The following TPMT variants were observed in gnomAD, a reference collection of about 807,000 sequenced individuals.
TPMT encodes the protein thiopurine S-methyltransferase.
Under a neutral mutation model 34.2 loss-of-function variants are expected in TPMT, and 18 were observed. The ratio of observed to expected loss-of-function variants is 0.53; its 90% CI spans 0.36 to 0.78. The LOEUF is 0.78. Ranked by LOEUF, TPMT falls within the 30% of genes least tolerant of loss-of-function variation. TPMT has a pLI of 0.00. For synonymous variants in TPMT, 69 were observed against 92.4 expected (o/e 0.75, Z 1.45); for missense variants, 265 against 288.1 (o/e 0.92, Z 0.58).
chr6:18,137,465 A>G (rs1335721797), intron 6 of TPMT, among the ~76,000 whole-genome samples: 1 of 152,174 alleles, frequency 6.6e-6, no homozygotes, highest in Non-Finnish European at 1.5e-5. Context: ...AGTCTGCTCC[A>G]TACAACTAAG....
In TPMT at chr6:18,139,590, C is replaced by A. The variant is rs1561888785; in HGVS notation, c.419+75G>T. Reference sequence around the variant, plus strand: ...CACAGGAGGAAGAGAGTGAGGAAGACACCTCCACTCCCATGCCTGCACTGC... The same window carrying A: ...CACAGGAGGAAGAGAGTGAGGAAGAAACCTCCACTCCCATGCCTGCACTGC... On this transcript the variant is annotated intron_variant, in intron 5 of 8. Coordinates refer to ENST00000309983, the MANE Select transcript of TPMT (RefSeq NM_000367.5). This position sits in a 1 kb window ranked among gnomAD's most constrained non-coding sequence, Gnocchi z 4.2. The A allele has an allele frequency of 8.5e-7, 1 of 1,182,160 alleles. No individual in the cohort carries two copies. The highest frequency in any genetic ancestry group is 2.3e-5 in the East Asian group (1 of 42,926). 73.2% of individuals were successfully genotyped at this position (1,182,160 alleles called of 1,614,324 possible). A position where few individuals can be genotyped will look rare whatever the true frequency, so the allele number is the denominator to read the frequency against.
chr6:18,141,127 A>G (rs1784131063), intron 4 of TPMT, among the ~76,000 whole-genome samples: 1 of 152,138 alleles, frequency 6.6e-6, no homozygotes, highest in African/African-American at 2.4e-5. Context: ...GCCTGGGGTA[A>G]GACCTTTGGA....
At chr6:18,147,943 G>A in intron 2 of TPMT, 28 bp from the exon 3 acceptor site, 1 of 1,568,740 alleles carries the variant, frequency 6.4e-7, no homozygotes, top group Non-Finnish European at 8.8e-7. Context: ...AAAGGTTTTA[G>A]GACAATTGTA....
Position 18,138,588 on chromosome 6 carries a change from A to C in TPMT, c.494+375T>G, listed in dbSNP as rs1176607071. On this transcript the variant is annotated intron_variant, in intron 6 of 8. Coordinates refer to ENST00000309983, the MANE Select transcript of TPMT (RefSeq NM_000367.5). The surrounding 1 kb of genome is among the most constrained non-coding windows in gnomAD (Gnocchi z 4.1). ...CAGCCCACATAAAGTATTTTGAACA[A>C]TACCTGGAATAGGCAAGTGACCAGT... Among the ~76,000 whole-genome samples, 1 of 152,202 alleles carries C rather than the reference A, an allele frequency of 6.6e-6. No homozygotes were observed. The highest frequency in any genetic ancestry group is 1.5e-5 in the Non-Finnish European group (1 of 68,026).
chr6:18,140,638 T>A lies in TPMT; in HGVS notation c.367-921A>T, dbSNP rs568292245. Among the ~76,000 whole-genome samples, 19 of 152,024 alleles carry A rather than the reference T, an allele frequency of 1.2e-4. No individual in the cohort carries two copies. The highest frequency in any genetic ancestry group is 1.1e-3 in the Admixed American group (17 of 15,256). On this transcript the variant is annotated intron_variant, in intron 4 of 8. Coordinates refer to ENST00000309983, the MANE Select transcript of TPMT (RefSeq NM_000367.5). The surrounding 1 kb of genome is among the most constrained non-coding windows in gnomAD (Gnocchi z 4.7). ...GGTCAAGGCTGCAGTGAGCTGTGAT[T>A]GTGCCACTGCCCTCCAGCCTGTGTG...
chr6:18,149,160 T>C lies in TPMT; in HGVS notation c.-33A>G. Reference sequence around the variant, plus strand: ...GAGACACCTTTGTCTCACAAGCATATGTCTTCCGTGCCTACGTGGAAAATA... The same window carrying C: ...GAGACACCTTTGTCTCACAAGCATACGTCTTCCGTGCCTACGTGGAAAATA... On this transcript the variant is annotated 5_prime_UTR_variant, in exon 2 of 9. Transcript: ENST00000309983. This position sits in a 1 kb window ranked among gnomAD's most constrained non-coding sequence, Gnocchi z 5.0. The C allele has an allele frequency of 6.2e-7, 1 of 1,613,858 alleles. No homozygotes were observed. The highest frequency in any genetic ancestry group is 1.1e-5 in the South Asian group (1 of 91,078).
chr6:18,141,695 G>A (rs573929282), intron 4 of TPMT, among the ~76,000 whole-genome samples: 3 of 152,146 alleles, frequency 2.0e-5, no homozygotes, highest in Non-Finnish European at 4.4e-5. Context: ...TGAATATACA[G>A]ATGGACAATA....
chr6:18,137,720 T>A (rs2150711614), intron 6 of TPMT, among the ~76,000 whole-genome samples: 1 of 152,342 alleles, frequency 6.6e-6, no homozygotes, highest in Middle Eastern at 3.4e-3. Flanking sequence ...ACATATTTCA[T>A]TTCTTTCAAT....
chr6:18,144,661 G>A (rs12210374), intron 3 of TPMT, among the ~76,000 whole-genome samples: 1,880 of 151,644 alleles, frequency 0.012, 15 homozygotes, highest in Non-Finnish European at 0.018. Flanking sequence ...TTACAGGCGT[G>A]AGCCACCACA....
Position 18,132,190 on chromosome 6 carries a change from GAAAT to G in TPMT, c.581-17_581-14del. The G allele has an allele frequency of 1.2e-6, 2 of 1,613,610 alleles. No individual in the cohort carries two copies. ...TAAAATGGTGGACCTAGGTAAAAGA[GAAAT>G]AAATTCTGAGTTTATTTCCAATGAC... On this transcript the variant is annotated splice_polypyrimidine_tract_variant and intron_variant, in intron 7 of 8. Coordinates refer to ENST00000309983, the MANE Select transcript of TPMT (RefSeq NM_000367.5). The surrounding 1 kb of genome is among the most constrained non-coding windows in gnomAD (Gnocchi z 4.8).
Position 18,130,563 on chromosome 6 carries a change from T to C in TPMT, c.*105A>G. 1.2e-6 allele frequency: 1 copy of C among 803,706 alleles called. No homozygotes were observed. The highest frequency in any genetic ancestry group is 2.1e-6 in the Non-Finnish European group (1 of 482,420). The allele number at this position is 803,706 out of a possible 1,614,324, so 49.8% of individuals were successfully genotyped here. A position where few individuals can be genotyped will look rare whatever the true frequency, so the allele number is the denominator to read the frequency against. ...TTTTTAGTAAAGATCTATCATATGATTTATAAACAATTTTAAAAATTCATC... is the reference window on the plus strand; with the variant it reads ...TTTTTAGTAAAGATCTATCATATGACTTATAAACAATTTTAAAAATTCATC... On this transcript the variant is annotated 3_prime_UTR_variant, in exon 9 of 9. Transcript: ENST00000309983. This position sits in a 1 kb window ranked among gnomAD's most constrained non-coding sequence, Gnocchi z 4.2.
In TPMT at chr6:18,145,874, G is replaced by T. The variant is rs1784238242; in HGVS notation, c.233+1949C>A. On this transcript the variant is annotated intron_variant, in intron 3 of 8. Transcript: ENST00000309983. This position sits in a 1 kb window ranked among gnomAD's most constrained non-coding sequence, Gnocchi z 5.6. ...TGGCTTATGCCTGTTATCCCAGCATGTTGGGAGGGAGGATCTCTTGAGCCC... is the reference window on the plus strand; with the variant it reads ...TGGCTTATGCCTGTTATCCCAGCATTTTGGGAGGGAGGATCTCTTGAGCCC... Among the ~76,000 whole-genome samples, 1 of 152,154 alleles carries T rather than the reference G, an allele frequency of 6.6e-6. No individual in the cohort carries two copies. The highest frequency in any genetic ancestry group is 1.5e-5 in the Non-Finnish European group (1 of 68,030).
Position 18,132,272 on chromosome 6 carries a change from G to A in TPMT, c.581-95C>T. The A allele has an allele frequency of 8.5e-7, 1 of 1,173,958 alleles. No individual in the cohort carries two copies. The highest frequency in any genetic ancestry group is 1.3e-6 in the Non-Finnish European group (1 of 795,544). 72.7% of individuals were successfully genotyped at this position (1,173,958 alleles called of 1,614,324 possible). ...TCATTATCCAAATAGGTGATGATGT[G>A]GCATGTTCTTCTCATTCTTCTTTTG... On this transcript the variant is annotated intron_variant, in intron 7 of 8. Coordinates refer to ENST00000309983, the MANE Select transcript of TPMT (RefSeq NM_000367.5). This position sits in a 1 kb window ranked among gnomAD's most constrained non-coding sequence, Gnocchi z 4.8.
rs530908178 is a variant in TPMT at position 18,136,329 on chromosome 6, A to G, written c.495-2440T>C. 3.3e-5 allele frequency among the ~76,000 whole-genome samples: 5 copies of G among 152,150 alleles called. No individual in the cohort carries two copies. The highest frequency in any genetic ancestry group is 5.9e-5 in the Non-Finnish European group (4 of 68,018). ...ATGGGAAGTGCAAAGCAGACACTGG[A>G]CATGTGATGTGGATGTTTGGGAGAA... is the stretch of plus-strand genomic sequence containing the variant. On this transcript the variant is annotated intron_variant, in intron 6 of 8. Coordinates refer to ENST00000309983, the MANE Select transcript of TPMT (RefSeq NM_000367.5). This position sits in a 1 kb window ranked among gnomAD's most constrained non-coding sequence, Gnocchi z 4.7.
At position 18,150,623 on chromosome 6, in the gene TPMT, T is replaced by C. The variant is rs1421400344; in HGVS notation, c.-44-1452A>G. Among the ~76,000 whole-genome samples, 2 of 152,206 alleles carry C rather than the reference T, an allele frequency of 1.3e-5. No homozygotes were observed. Among genetic ancestry groups the C allele is most frequent in the African/African-American group, 4.8e-5 (2 of 41,462 alleles). On this transcript the variant is annotated intron_variant, in intron 1 of 8. Transcript: ENST00000309983. This position sits in a 1 kb window ranked among gnomAD's most constrained non-coding sequence, Gnocchi z 5.3. Reference sequence around the variant, plus strand: ...GTTGTTATTTTTTAGTGACCACGCTTATATTGGTGAAGCCTAACCTCCAGA... The same window carrying C: ...GTTGTTATTTTTTAGTGACCACGCTCATATTGGTGAAGCCTAACCTCCAGA...
rs184727052 is a variant in TPMT at position 18,150,231 on chromosome 6, C to T, written c.-44-1060G>A. Among the ~76,000 whole-genome samples the T allele has an allele frequency of 1.5e-3, 224 of 152,296 alleles. No individual in the cohort carries two copies. Among genetic ancestry groups the T allele is most frequent in the African/African-American group, 5.0e-3 (207 of 41,540 alleles). On this transcript the variant is annotated intron_variant, in intron 1 of 8. Coordinates refer to ENST00000309983, the MANE Select transcript of TPMT (RefSeq NM_000367.5). The surrounding 1 kb of genome is among the most constrained non-coding windows in gnomAD (Gnocchi z 5.3). ...TGCACATTTATTATAAAGGATACTGCGAAGAATATACTTGAAGAGATGTGT... is the reference window on the plus strand; with the variant it reads ...TGCACATTTATTATAAAGGATACTGTGAAGAATATACTTGAAGAGATGTGT...
chr6:18,147,096 C>T (rs1260266859), intron 3 of TPMT, among the ~76,000 whole-genome samples: 1 of 151,322 alleles, frequency 6.6e-6, no homozygotes, highest in Non-Finnish European at 1.5e-5. Context: ...GGCGCATTTA[C>T]TAACCTTTTC....
In TPMT at chr6:18,136,653, C is replaced by CA. The variant is rs1218062872; in HGVS notation, c.494+2309dup. Among the ~76,000 whole-genome samples the CA allele has an allele frequency of 2.0e-5, 3 of 151,984 alleles. No homozygotes were observed. Among genetic ancestry groups the CA allele is most frequent in the African/African-American group, 4.8e-5 (2 of 41,368 alleles). On this transcript the variant is annotated intron_variant, in intron 6 of 8. Coordinates refer to ENST00000309983, the MANE Select transcript of TPMT (RefSeq NM_000367.5). This position sits in a 1 kb window ranked among gnomAD's most constrained non-coding sequence, Gnocchi z 4.7. ...AGAAACCCCGTCTCTACTAAAAATACAAAAAAATTAGCCGGGTGTGGTGGA... is the reference window on the plus strand; with the variant it reads ...AGAAACCCCGTCTCTACTAAAAATACAAAAAAAATTAGCCGGGTGTGGTGGA...
intron 1 of TPMT, among the ~76,000 whole-genome samples, chr6:18,151,572 A>AGATTGATTGATTGATT (rs200164729): frequency 7.1e-6 from 1 of 141,496 alleles, no homozygotes; most frequent in African/African-American, 2.7e-5. Context: ...TTGGAAACCT[A>AGATTGATTGATTGATT]GATTTATTTA....
Sources: gnomAD v4.1 joint callset for allele counts (sites outside exome capture counted in the v4.1 genomes callset) on GRCh38, gnomAD v4.1.1 for gene constraint, Gnocchi (gnomAD v3.1) non-coding constraint, MANE v1.5 for transcripts, NCBI Gene and HGNC (gene_info 2026-07-23, HGNC 2026-07-21) for gene names.